The following BCLAF1 variants were observed in gnomAD, a reference collection of about 807,000 sequenced individuals.
BCLAF1 encodes the protein BCL2 associated transcription factor 1.
In BCLAF1, 10 loss-of-function variants were observed where a neutral mutation model predicts 99.5. The observed-to-expected ratio is 0.10, with a 90% confidence interval of 0.06 to 0.17. BCLAF1 has a LOEUF of 0.17. Among genes scored for constraint, BCLAF1 ranks in the 10% least tolerant of loss-of-function variants. The pLI is 1.00. For missense variants in BCLAF1, 636 were observed against 1,105.8 expected (o/e 0.58, Z 6.02); for synonymous variants, 255 against 370.9 (o/e 0.69, Z 3.59).
rs748635358 is a variant in BCLAF1 at position 136,276,243 on chromosome 6, G to A, written c.1282C>T (p.His428Tyr). The A allele has an allele frequency of 1.2e-6, 2 of 1,605,710 alleles. No individual in the cohort carries two copies. Among genetic ancestry groups the A allele is most frequent in the Non-Finnish European group, 1.7e-6 (2 of 1,177,132 alleles). Residue 428 changes from histidine (H) to tyrosine (Y), a missense_variant, in exon 5 of 13, where the codon CAC (histidine) becomes TAC (tyrosine). By Grantham distance (83) the His-to-Tyr change is moderately conservative. Transcript: ENST00000531224. ...AGTCCTTCCTCCTCAGTATTCCGGT[G>A]AGATGCAGTAGCAAAACTTTTACCC... ...DQGKSFATAS[H>Y]RNTEEEGLKY... is the part of the protein sequence containing the mutation.
rs1224183794 is a variant in BCLAF1 at position 136,258,101 on chromosome 6, A to G, written c.*3009T>C. The G allele has an allele frequency of 1.3e-5, 2 of 152,084 alleles. No individual in the cohort carries two copies. Among genetic ancestry groups the G allele is most frequent in the East Asian group, 3.8e-4 (2 of 5,204 alleles). The allele number at this position is 152,084 out of a possible 1,614,324, so 9.4% of individuals were successfully genotyped here. On this transcript the variant is annotated 3_prime_UTR_variant, in exon 13 of 13. Coordinates refer to ENST00000531224, the MANE Select transcript of BCLAF1 (RefSeq NM_014739.3). ...ATGTGTCAGTTTGTCTTAGTACACA[A>G]ATTTCTGTGAAAATGCTTTGTTAAA...
chr6:136,285,516 G>T (rs946693438), intron 1 of BCLAF1, among the ~76,000 whole-genome samples: 6 of 152,140 alleles, frequency 3.9e-5, no homozygotes, highest in Non-Finnish European at 7.4e-5. Context: ...CCTAAAAGGT[G>T]CTTGATGTTT....
At chr6:136,268,027 A>G (rs900053612) in intron 10 of BCLAF1, 135 bp downstream of exon 10, 6 of 872,300 alleles carry the variant, frequency 6.9e-6, no homozygotes, top group Admixed American at 3.2e-5. Context: ...ACACCACTTC[A>G]TGTTTCAATA....
At chr6:136,266,376 C>G (rs2128469770) in intron 11 of BCLAF1, among the ~76,000 whole-genome samples, 1 of 152,184 alleles carries the variant, frequency 6.6e-6, no homozygotes, top group Admixed American at 6.5e-5. Flanking sequence ...TCTTGTCCAC[C>G]TCTATAATGC....
At chr6:136,283,751 A>T (rs1784693996) in intron 1 of BCLAF1, among the ~76,000 whole-genome samples, 1 of 152,206 alleles carries the variant, frequency 6.6e-6, no homozygotes, top group Non-Finnish European at 1.5e-5. Context: ...AATCAAGAAT[A>T]GCGTCTCCTA....
chr6:136,270,559 CAG>C (rs1209150692), intron 8 of BCLAF1, among the ~76,000 whole-genome samples: 8 of 151,752 alleles, frequency 5.3e-5, no homozygotes, highest in Admixed American at 5.3e-4. Flanking sequence ...TATTTGCTCC[CAG>C]AGTCACAAAG....
chr6:136,264,795 T>C (rs565532128), intron 11 of BCLAF1, among the ~76,000 whole-genome samples: 17 of 152,214 alleles, frequency 1.1e-4, no homozygotes, highest in Non-Finnish European at 2.1e-4. Context: ...TTGCTTGATA[T>C]TCTAGTGAGC....
At chr6:136,279,524 G>A in intron 3 of BCLAF1, 1 of 276,902 alleles carries the variant, frequency 3.6e-6, no homozygotes, top group Non-Finnish European at 6.5e-6. Flanking sequence ...ACATTATACA[G>A]TAAAATTTGA....
At chr6:136,273,038 T>A in intron 7 of BCLAF1, 44 bp downstream of exon 7, 2 of 1,471,342 alleles carry the variant, frequency 1.4e-6, no homozygotes, top group Non-Finnish European at 1.9e-6. Flanking sequence ...AGTGTCTTCC[T>A]ATCAAAACAA....
chr6:136,280,682 T>C (rs976155449), intron 2 of BCLAF1, among the ~76,000 whole-genome samples: 7 of 152,154 alleles, frequency 4.6e-5, no homozygotes, highest in African/African-American at 7.2e-5. Context: ...TTAGACCTCA[T>C]TGGGTACAGA....
chr6:136,275,069 T>C (rs1353767705), intron 6 of BCLAF1, among the ~76,000 whole-genome samples: 1 of 152,048 alleles, frequency 6.6e-6, no homozygotes, highest in Non-Finnish European at 1.5e-5. Flanking sequence ...AAAAAAGTGT[T>C]TTTCCACCAT....
At position 136,276,486 on chromosome 6, in the gene BCLAF1, C is replaced by G. The variant is rs990880712; in HGVS notation, c.1039G>C (p.Val347Leu). ...LKRFTDEESRVFLLDRGNTRD... is the reference protein window; with the variant it reads ...LKRFTDEESRLFLLDRGNTRD... The stretch of plus-strand genomic sequence containing the variant: ...GTATTACCCCTATCAAGCAGGAATA[C>G]TCTAGACTCTTCATCTGTGAACCTG... Residue 347 changes from valine (V) to leucine (L), a missense_variant, in exon 5 of 13, where the codon GTA becomes CTA. Val to Leu is a conservative substitution (Grantham distance 32, BLOSUM62 1). Coordinates refer to ENST00000531224, the MANE Select transcript of BCLAF1 (RefSeq NM_014739.3). 4.0e-5 allele frequency: 62 copies of G among 1,566,024 alleles called. No homozygotes were observed. Among genetic ancestry groups the G allele is most frequent in the Non-Finnish European group, 4.9e-5 (57 of 1,163,824 alleles).
At chr6:136,273,315 T>A in intron 6 of BCLAF1, 128 bp from the exon 7 acceptor site, 1 of 784,246 alleles carries the variant, frequency 1.3e-6, no homozygotes, top group Non-Finnish European at 2.0e-6. Context: ...GAGAATCAAG[T>A]GTTACAAGGA....
chr6:136,275,429 AT>A, intron 6 of BCLAF1, 102 bp downstream of exon 6: 1 of 1,155,060 alleles, frequency 8.7e-7, no homozygotes, highest in Non-Finnish European at 1.2e-6. Flanking sequence ...TTGGATGTAT[AT>A]TTGCTAGCCC....
rs371435744 is a variant in BCLAF1, at chr6:136,275,800, T to C, written c.1682+43A>G. ...AGTTTAAGATAATTAACTGGAATAC[T>C]GACTGCCCACAGATTATTTACTGGG... On this transcript the variant is annotated intron_variant, in intron 5 of 12. Transcript: ENST00000531224. 66 of 1,583,940 alleles carry C rather than the reference T, an allele frequency of 4.2e-5. 1 individual carries two copies. Among genetic ancestry groups the C allele is most frequent in the East Asian group, 1.6e-4 (7 of 44,634 alleles).
intron 1 of BCLAF1, among the ~76,000 whole-genome samples, chr6:136,282,900 T>C (rs919938397): frequency 6.6e-6 from 1 of 152,106 alleles, no homozygotes; most frequent in Non-Finnish European, 1.5e-5. Context: ...ATCATGAAAC[T>C]GACAGCATCT....
intron 2 of BCLAF1, among the ~76,000 whole-genome samples, chr6:136,280,736 T>C (rs1288620796): frequency 1.3e-5 from 2 of 152,180 alleles, no homozygotes; most frequent in African/African-American, 2.4e-5. Flanking sequence ...GATCTACTAA[T>C]TGAAAAAACA....
At chr6:136,275,791 C>T (rs1584059007) in intron 5 of BCLAF1, 52 bp downstream of exon 5, 1 of 1,575,026 alleles carries the variant, frequency 6.3e-7, no homozygotes, top group Non-Finnish European at 8.6e-7. Context: ...AGATAATTAA[C>T]TGGAATACTG....
At chr6:136,273,743 G>A (rs1047360229) in intron 6 of BCLAF1, among the ~76,000 whole-genome samples, 2 of 151,840 alleles carry the variant, frequency 1.3e-5, no homozygotes, top group Non-Finnish European at 2.9e-5. Context: ...CCAAAAATCT[G>A]GCATCTTGGC....
Sources: gnomAD v4.1 joint callset for allele counts (sites outside exome capture counted in the v4.1 genomes callset) on GRCh38, gnomAD v4.1.1 for gene constraint, MANE v1.5 for transcripts, NCBI Gene and HGNC (gene_info 2026-07-23, HGNC 2026-07-21) for gene names.